Variants in OSCP1 observed in about 807,000 individuals in gnomAD.
OSCP1 encodes organic solute carrier partner 1, also known as protein OSCP1.
Under a neutral mutation model 45.1 loss-of-function variants are expected in OSCP1, and 35 were observed. That is an observed-to-expected ratio of 0.78 (90% confidence interval 0.59 to 1.03). The LOEUF is 1.03. OSCP1 is among the 50% of genes least tolerant of loss of function. OSCP1 has a pLI of 0.00. For synonymous variants in OSCP1, 179 were observed against 180.1 expected (o/e 0.99, Z 0.05); for missense variants, 400 against 470.7 (o/e 0.85, Z 1.39).
intron 1 of OSCP1, chr1:36,443,991 G>T (rs113362126): frequency 6.2e-7 from 1 of 1,612,608 alleles, no homozygotes; most frequent in South Asian, 1.1e-5. Context: ...CATGCAGCCC[G>T]GAGATAGCAT....
At position 36,419,019 on chromosome 1, in the gene OSCP1, T is replaced by C. The variant is rs374472163; in HGVS notation, c.995A>G (p.Tyr332Cys). The C allele has an allele frequency of 3.1e-6, 5 of 1,612,546 alleles. No homozygotes were observed. In the African/African-American group the frequency reaches 4.0e-5, roughly 13 times the overall value. Residue 332 changes from tyrosine (Y) to cysteine (C), a missense_variant, in exon 9 of 10, where the codon TAT (tyrosine) becomes TGT (cysteine). Tyr to Cys is a radical substitution (Grantham distance 194). Coordinates refer to ENST00000235532, the MANE Select transcript of OSCP1 (RefSeq NM_145047.5). Reference sequence around the variant, plus strand: ...GGTGGCTTGTATGTTGATAACTTCATAGGATAACTCTTCTGGCCTGGTTAG... The same window carrying C: ...GGTGGCTTGTATGTTGATAACTTCACAGGATAACTCTTCTGGCCTGGTTAG... ...AALTRPEELSYEVINIQATQD... is the reference protein window; with the variant it reads ...AALTRPEELSCEVINIQATQD...
At chr1:36,419,265 C>A in intron 8 of OSCP1, 1 of 549,158 alleles carries the variant, frequency 1.8e-6, no homozygotes, top group Non-Finnish European at 3.2e-6. Flanking sequence ...ATAAGCCCTG[C>A]CAAGAATGTT....
Position 36,431,799 on chromosome 1 carries a change from T to A in OSCP1, c.516+3A>T, listed in dbSNP as rs1339207726. Reference sequence around the variant, plus strand: ...GTGTTCCCAGGGCTGCCTATTGACTTACTCGGATGTGCAGGTCTTGGAAGA... The same window carrying A: ...GTGTTCCCAGGGCTGCCTATTGACTAACTCGGATGTGCAGGTCTTGGAAGA... On this transcript the variant is annotated splice_donor_region_variant and intron_variant, in intron 4 of 9. Coordinates refer to ENST00000235532, the MANE Select transcript of OSCP1 (RefSeq NM_145047.5). 6.2e-7 allele frequency: 1 copy of A among 1,613,398 alleles called. No homozygotes were observed. The highest frequency in any genetic ancestry group is 2.2e-5 in the East Asian group (1 of 44,860).
intron 9 of OSCP1, 62 bp downstream of exon 9, chr1:36,418,929 G>GA (rs556476081): frequency 0.11 from 112,223 of 1,013,432 alleles, no homozygotes; most frequent in South Asian, 0.12. Context: ...CCTGTCTCAA[G>GA]AAAAAAAAAA....
chr1:36,441,880 T>C (rs1649201696), intron 1 of OSCP1, among the ~76,000 whole-genome samples: 1 of 151,930 alleles, frequency 6.6e-6, no homozygotes, highest in African/African-American at 2.4e-5. Context: ...GCAAATGAGT[T>C]CTGCATACTT....
intron 2 of OSCP1, among the ~76,000 whole-genome samples, chr1:36,438,178 A>G (rs144918124): frequency 0.1 from 15,542 of 152,074 alleles, 946 homozygotes; most frequent in East Asian, 0.29. Context: ...TTAGCCTGGC[A>G]TGGTGGCGCA....
At chr1:36,450,162 T>G in intron 1 of OSCP1, 96 bp downstream of exon 1, 2 of 954,400 alleles carry the variant, frequency 2.1e-6, no homozygotes, top group East Asian at 2.4e-5. Context: ...GAGTGAAGTG[T>G]GTAGGGGTGC....
intron 4 of OSCP1, chr1:36,428,257 G>A (rs952683776): frequency 3.6e-5 from 47 of 1,308,098 alleles, no homozygotes; most frequent in Non-Finnish European, 6.0e-6. Flanking sequence ...ATCTTCCTTT[G>A]TCCATGGAAG....
chr1:36,444,097 C>G lies in OSCP1; in HGVS notation c.113-5187G>C. The G allele has an allele frequency of 3.3e-6, 5 of 1,537,672 alleles. 1 individual carries two copies. In the South Asian group the frequency reaches 5.6e-5, roughly 17 times the overall value. On this transcript the variant is annotated intron_variant, in intron 1 of 9. Coordinates refer to ENST00000235532, the MANE Select transcript of OSCP1 (RefSeq NM_145047.5). Reference sequence around the variant, plus strand: ...AGCAAGAACATTATTTTCAAGGAGGCTTTAAACATACCAATTCCAATGATC... The same window carrying G: ...AGCAAGAACATTATTTTCAAGGAGGGTTTAAACATACCAATTCCAATGATC...
intron 4 of OSCP1, among the ~76,000 whole-genome samples, chr1:36,427,708 C>A (rs906132485): frequency 6.6e-6 from 1 of 152,136 alleles, no homozygotes; most frequent in Admixed American, 6.6e-5. Flanking sequence ...AAATAATACC[C>A]AAATATGCAG....
intron 1 of OSCP1, among the ~76,000 whole-genome samples, chr1:36,449,835 CAAAAAAAAAAAAA>C (rs67376533): frequency 1.8e-3 from 36 of 20,344 alleles, no homozygotes; most frequent in Admixed American, 5.2e-3. Flanking sequence ...GACCCTGTCT[CAAAAAAAAAAAAA>C]AAAAAAAAAA....
chr1:36,445,316 C>T (rs1281856249), intron 1 of OSCP1, among the ~76,000 whole-genome samples: 2 of 152,134 alleles, frequency 1.3e-5, no homozygotes, highest in African/African-American at 2.4e-5. Flanking sequence ...CGCCACTGGG[C>T]GACAGAGCAA....
chr1:36,443,987 G>A (rs1448917905), intron 1 of OSCP1: 1 of 1,612,116 alleles, frequency 6.2e-7, no homozygotes, highest in South Asian at 1.1e-5. Flanking sequence ...AACACATGCA[G>A]CCCGGAGATA....
In OSCP1 at chr1:36,447,138, TG is replaced by T. The variant is rs1649591870; in HGVS notation, c.112+3119del. On this transcript the variant is annotated intron_variant, in intron 1 of 9. Transcript: ENST00000235532. The surrounding 1 kb of genome is among the most constrained non-coding windows in gnomAD (Gnocchi z 4.1). ...AAGAGGACTAGTTTACCAAGTCTAG[TG>T]TTTTATAGGCTCCTGTGTACAGGGA... Among the ~76,000 whole-genome samples the T allele has an allele frequency of 6.6e-6, 1 of 152,178 alleles. No individual in the cohort carries two copies. The highest frequency in any genetic ancestry group is 1.5e-5 in the Non-Finnish European group (1 of 68,024).
At chr1:36,423,670 A>T (rs140591393) in intron 4 of OSCP1, among the ~76,000 whole-genome samples, 1 of 151,748 alleles carries the variant, frequency 6.6e-6, no homozygotes, top group African/African-American at 2.4e-5. Context: ...GTCAGGAGAT[A>T]GAGACTATCC....
intron 1 of OSCP1, among the ~76,000 whole-genome samples, chr1:36,449,104 T>C (rs1262209745): frequency 3.3e-5 from 5 of 152,228 alleles, no homozygotes; most frequent in Admixed American, 3.3e-4. Context: ...ATGTTGAACA[T>C]CAATTGAGCA....
chr1:36,432,655 CAG>C, intron 2 of OSCP1, 66 bp from the exon 3 acceptor site: 1 of 1,592,744 alleles, frequency 6.3e-7, no homozygotes, highest in South Asian at 1.1e-5. Flanking sequence ...AATCTCCAAA[CAG>C]TGATTCAGTC....
At chr1:36,423,326 A>G (rs370019928) in intron 5 of OSCP1, 37 bp downstream of exon 5, 83 of 1,509,050 alleles carry the variant, frequency 5.5e-5, no homozygotes, top group Admixed American at 1.8e-4. Context: ...ATTTCCTAGC[A>G]CCCCAAACAT....
At chr1:36,441,336 A>G (rs1159818177) in intron 1 of OSCP1, among the ~76,000 whole-genome samples, 1 of 152,240 alleles carries the variant, frequency 6.6e-6, no homozygotes, top group Non-Finnish European at 1.5e-5. Context: ...AGGCAGACCT[A>G]TTAGGTACCA....
Sources: gnomAD v4.1 joint callset for allele counts (sites outside exome capture counted in the v4.1 genomes callset) on GRCh38, gnomAD v4.1.1 for gene constraint, Gnocchi (gnomAD v3.1) non-coding constraint, MANE v1.5 for transcripts, NCBI Gene and HGNC (gene_info 2026-07-23, HGNC 2026-07-21) for gene names.